GOLGA3: variants seen among roughly 807,000 people sequenced by gnomAD.
GOLGA3 encodes the protein golgin subfamily A member 3.
Under a neutral mutation model 169.4 loss-of-function variants are expected in GOLGA3, and 75 were observed. The observed-to-expected ratio is 0.44, with a 90% CI of 0.37 to 0.54. GOLGA3 has a LOEUF of 0.54. Ranked by LOEUF, GOLGA3 falls within the 20% of genes least tolerant of loss-of-function variation. The pLI, the probability that GOLGA3 is intolerant of heterozygous loss-of-function variation, is 0.00. For synonymous variants in GOLGA3, 824 were observed against 822.4 expected (o/e 1.00, Z -0.03); for missense variants, 1,899 against 1,930.0 (o/e 0.98, Z 0.30).
intron 2 of GOLGA3, among the ~76,000 whole-genome samples, chr12:132,819,658 A>T (rs1390766932): frequency 6.6e-6 from 1 of 152,250 alleles, no homozygotes; most frequent in African/African-American, 2.4e-5. Context: ...GACCACGGGC[A>T]CCCGACCAAC....
chr12:132,796,433 G>C (rs896761788), intron 10 of GOLGA3, 106 bp downstream of exon 10: 1 of 1,329,874 alleles, frequency 7.5e-7, no homozygotes, highest in African/African-American at 1.5e-5. Context: ...CCACCTGAGC[G>C]GACGTGGCCC....
In GOLGA3 at chr12:132,813,410, T is replaced by A. The variant is rs895484715; in HGVS notation, c.416A>T (p.Asp139Val). Residue 139 changes from aspartate (D) to valine (V), a missense_variant, in exon 4 of 24, where the codon GAT becomes GTT. Asp to Val is a radical substitution (Grantham distance 152, BLOSUM62 -3). Transcript: ENST00000450791. ...CTCCTTCTCCAGGGGCAGGGGAGAATCTGTAGAGCCTGCAGTGGGAAAAGG... is the reference window on the plus strand; with the variant it reads ...CTCCTTCTCCAGGGGCAGGGGAGAAACTGTAGAGCCTGCAGTGGGAAAAGG... ...PMQETQLCST[D>V]SPLPLEKEEQ... is the part of the protein sequence containing the mutation. 5 of 1,602,598 alleles carry A rather than the reference T, an allele frequency of 3.1e-6. No homozygotes were observed. In the African/African-American group the frequency reaches 5.4e-5, roughly 17 times the overall value.
intron 5 of GOLGA3, 128 bp from the exon 6 acceptor site, chr12:132,807,416 TAA>T: frequency 1.8e-6 from 1 of 545,192 alleles, no homozygotes; most frequent in Admixed American, 3.2e-5. Context: ...GTAAGAGATT[TAA>T]GTAGAGAGCT....
chr12:132,827,638 G>A (rs1950477384), intron 1 of GOLGA3: 1 of 151,966 alleles, frequency 6.6e-6, no homozygotes, highest in Non-Finnish European at 1.5e-5. Context: ...TAAGGCAATC[G>A]GGGGAAAAAA....
Position 132,826,092 on chromosome 12 carries a change from G to A in GOLGA3, c.-184+2711C>T, listed in dbSNP as rs1475382755. Reference sequence around the variant, plus strand: ...GGTGACATCGTCACAGTGGGCGAGTGCCGGCCTTGCCGGCCTCTGAGCAAG... The same window carrying A: ...GGTGACATCGTCACAGTGGGCGAGTACCGGCCTTGCCGGCCTCTGAGCAAG... On this transcript the variant is annotated intron_variant, in intron 1 of 23. Coordinates refer to ENST00000450791, the MANE Select transcript of GOLGA3 (RefSeq NM_001389683.1). 8 of 1,472,088 alleles carry A rather than the reference G, an allele frequency of 5.4e-6. No individual in the cohort carries two copies. In the African/African-American group the frequency reaches 9.7e-5, roughly 18 times the overall value. The allele number at this position is 1,472,088 out of a possible 1,614,324, so 91.2% of individuals were successfully genotyped here.
chr12:132,795,841 G>C lies in GOLGA3; in HGVS notation c.2469+11C>G. The C allele has an allele frequency of 1.2e-6, 2 of 1,607,416 alleles. No homozygotes were observed. The highest frequency in any genetic ancestry group is 1.7e-6 in the Non-Finnish European group (2 of 1,174,658). ...TTCTGATTCAAAACAAAACACAGCA[G>C]AATGCATTACCTGGCCGGATTTGAT... On this transcript the variant is annotated intron_variant, in intron 11 of 23. Transcript: ENST00000450791.
In GOLGA3 at chr12:132,773,267, C is replaced by T. The variant is rs1466358986; in HGVS notation, c.4335G>A (p.Gln1445=). The T allele has an allele frequency of 6.8e-7, 1 of 1,465,220 alleles. No homozygotes were observed. The highest frequency in any genetic ancestry group is 9.1e-7 in the Non-Finnish European group (1 of 1,098,236). The allele number at this position is 1,465,220 out of a possible 1,614,324, so 90.8% of individuals were successfully genotyped here. The change falls in exon 24 of 24, where the codon CAG becomes CAA. Residue 1445 remains glutamine (Q), a synonymous_variant. Coordinates refer to ENST00000450791, the MANE Select transcript of GOLGA3 (RefSeq NM_001389683.1). ...LKQEMDSLQR[Q]MEEHALTVHE... ...GCACCGTCAGGGCGTGCTCCTCCAT[C>T]TGGCGCTGCAGGCTGTCCATCTCCT... is the stretch of plus-strand genomic sequence containing the variant.
rs1433695159 is a variant in GOLGA3, at chr12:132,775,157, C to T, written c.4127G>A (p.Arg1376His). ...QNQQLKLDLR[R>H]GAAKTRKEPK... Reference sequence around the variant, plus strand: ...CCTGAGTACCGTCTTGGCCGCGCCGCGGCGTAGGTCCAGCTTGAGCTGCTG... The same window carrying T: ...CCTGAGTACCGTCTTGGCCGCGCCGTGGCGTAGGTCCAGCTTGAGCTGCTG... The change falls in exon 22 of 24, where the codon CGC becomes CAC. Residue 1376 changes from arginine (R) to histidine (H), a missense_variant. By Grantham distance (29) the Arg-to-His change is conservative. Coordinates refer to ENST00000450791, the MANE Select transcript of GOLGA3 (RefSeq NM_001389683.1). The T allele has an allele frequency of 1.1e-5, 17 of 1,613,616 alleles. No homozygotes were observed. Among genetic ancestry groups the T allele is most frequent in the Middle Eastern group, 3.3e-4 (2 of 6,058 alleles).
In GOLGA3 at chr12:132,796,270, G is replaced by A. The variant is rs761772779; in HGVS notation, c.2101-50C>T. ...GGCTGCGCCTGACCCTCCTCCGAGA[G>A]CGTATGCCCTTTTCCTGTTCGGGTT... On this transcript the variant is annotated intron_variant, in intron 10 of 23. Transcript: ENST00000450791. 8.8e-5 allele frequency: 135 copies of A among 1,528,940 alleles called. 1 individual carries two copies. The East Asian group carries it at 3.0e-3, about 34-fold the overall frequency. The allele number at this position is 1,528,940 out of a possible 1,614,324, so 94.7% of individuals were successfully genotyped here.
At chr12:132,825,088 T>C (rs1239604248) in intron 1 of GOLGA3, among the ~76,000 whole-genome samples, 3 of 152,222 alleles carry the variant, frequency 2.0e-5, no homozygotes, top group African/African-American at 4.8e-5. Flanking sequence ...CCTGTACATC[T>C]GGTCCTCTTG....
chr12:132,824,439 C>T (rs548667570), intron 1 of GOLGA3, among the ~76,000 whole-genome samples: 5 of 152,324 alleles, frequency 3.3e-5, no homozygotes, highest in Non-Finnish European at 7.4e-5. Flanking sequence ...GTAAAACTAG[C>T]ATTAAGGGTT....
intron 18 of GOLGA3, among the ~76,000 whole-genome samples, chr12:132,779,306 C>T (rs560773304): frequency 7.9e-5 from 12 of 152,242 alleles, no homozygotes; most frequent in South Asian, 2.1e-4. Flanking sequence ...CTTGAACTCC[C>T]GACCTCAGGT....
chr12:132,778,143 G>T (rs2045351222), intron 18 of GOLGA3, among the ~76,000 whole-genome samples: 1 of 152,222 alleles, frequency 6.6e-6, no homozygotes, highest in African/African-American at 2.4e-5. Context: ...AAAAAAATTA[G>T]CAGGGCATGG....
intron 2 of GOLGA3, among the ~76,000 whole-genome samples, chr12:132,819,402 G>T (rs147518998): frequency 1.3e-5 from 2 of 152,152 alleles, no homozygotes; most frequent in East Asian, 3.9e-4. Context: ...GGTGGCGGGC[G>T]CCTATAGTCC....
At chr12:132,798,183 G>C (rs1470448491) in intron 9 of GOLGA3, among the ~76,000 whole-genome samples, 157 bp downstream of exon 9, 1 of 136,064 alleles carries the variant, frequency 7.3e-6, no homozygotes, top group Non-Finnish European at 1.6e-5. Context: ...GAGGGGTGGG[G>C]GGGGGGTCCC....
chr12:132,782,621 A>T, intron 16 of GOLGA3, 128 bp from the exon 17 acceptor site: 1 of 738,342 alleles, frequency 1.4e-6, no homozygotes, highest in Non-Finnish European at 2.4e-6. Flanking sequence ...TCACGCCTGT[A>T]ATCACAGCAC....
At chr12:132,775,528 T>C (rs1051603383) in intron 21 of GOLGA3, among the ~76,000 whole-genome samples, 2 of 152,236 alleles carry the variant, frequency 1.3e-5, no homozygotes, top group East Asian at 3.8e-4. Flanking sequence ...ATCCAAAAAT[T>C]TGAAATGTTC....
In GOLGA3 at chr12:132,773,163, C is replaced by T. The variant is rs200447509; in HGVS notation, c.4439G>A (p.Arg1480His). 32 of 1,583,256 alleles carry T rather than the reference C, an allele frequency of 2.0e-5. No homozygotes were observed. The highest frequency in any genetic ancestry group is 1.4e-4 in the Admixed American group (8 of 56,146). ...PVPPGGHAGP[R>H]GDPQRHSQSR... The stretch of plus-strand genomic sequence containing the variant: ...CTGACTGTGTCTCTGTGGGTCGCCG[C>T]GTGGGCCGGCGTGACCCCCCGGGGG... The change falls in exon 24 of 24, where the codon CGC (arginine) becomes CAC (histidine). Residue 1480 changes from arginine to histidine, a missense_variant. Coordinates refer to ENST00000450791, the MANE Select transcript of GOLGA3 (RefSeq NM_001389683.1).
intron 2 of GOLGA3, among the ~76,000 whole-genome samples, chr12:132,819,440 A>C (rs902945461): frequency 2.0e-5 from 3 of 152,040 alleles, no homozygotes; most frequent in African/African-American, 7.2e-5. Context: ...GAGGCAGAAG[A>C]ATGGCGTGAA....
Sources: gnomAD v4.1 joint callset for allele counts (sites outside exome capture counted in the v4.1 genomes callset) on GRCh38, gnomAD v4.1.1 for gene constraint, MANE v1.5 for transcripts, NCBI Gene and HGNC (gene_info 2026-07-23, HGNC 2026-07-21) for gene names.